Variants in DENND5B observed in about 807,000 individuals in gnomAD.
DENND5B encodes DENN domain containing 5B.
A neutral mutation model predicts 140.6 loss-of-function variants in DENND5B; 34 were observed. That is an observed-to-expected ratio of 0.24 (90% confidence interval 0.18 to 0.32). The LOEUF (loss-of-function observed/expected upper bound fraction) is 0.32, where lower values mean the gene tolerates loss of function less well. Among genes scored for constraint, DENND5B ranks in the 10% least tolerant of loss-of-function variants. DENND5B has a pLI of 1.00. For synonymous variants in DENND5B, 551 were observed against 562.1 expected (o/e 0.98, Z 0.28); for missense variants, 1,142 against 1,560.2 (o/e 0.73, Z 4.52).
At chr12:31,578,162 A>G (rs1215870508) in intron 1 of DENND5B, among the ~76,000 whole-genome samples, 1 of 151,170 alleles carries the variant, frequency 6.6e-6, no homozygotes, top group Non-Finnish European at 1.5e-5. Context: ...CTACAACCCT[A>G]ACATTATTAA....
intron 2 of DENND5B, among the ~76,000 whole-genome samples, chr12:31,483,360 G>GT (rs1295771082): frequency 1.3e-5 from 2 of 152,002 alleles, no homozygotes; most frequent in Non-Finnish European, 2.9e-5. Flanking sequence ...GAGTGCAAAA[G>GT]TAACTGTGGT....
chr12:31,585,195 G>A (rs1950356966), intron 1 of DENND5B, among the ~76,000 whole-genome samples: 2 of 152,134 alleles, frequency 1.3e-5, no homozygotes, highest in South Asian at 2.1e-4. Context: ...TGGGGACAAA[G>A]AGCCAAACTA....
At chr12:31,539,113 T>C (rs371421174) in intron 1 of DENND5B, among the ~76,000 whole-genome samples, 29 of 151,852 alleles carry the variant, frequency 1.9e-4, no homozygotes, top group African/African-American at 6.7e-4. Context: ...ATCAACTATA[T>C]GCCAATAAAT....
In DENND5B at chr12:31,585,510, A is replaced by G. The variant is rs1044888661; in HGVS notation, c.127+5196T>C. Among the ~76,000 whole-genome samples, 5 of 152,228 alleles carry G rather than the reference A, an allele frequency of 3.3e-5. No homozygotes were observed. The East Asian group carries it at 9.6e-4, about 29-fold the overall frequency. ...AGGGCAATCCTGAAATGCTTGTTGA[A>G]TGAGTCAAGCTCATCTTTTTTCTGA... On this transcript the variant is annotated intron_variant, in intron 1 of 20. Coordinates refer to ENST00000389082, the MANE Select transcript of DENND5B (RefSeq NM_144973.4).
intron 5 of DENND5B, 75 bp downstream of exon 5, chr12:31,451,865 T>C: frequency 6.6e-7 from 1 of 1,509,500 alleles, no homozygotes; most frequent in East Asian, 2.4e-5. Flanking sequence ...CACAGAAGAA[T>C]AAAAAATTTA....
At chr12:31,467,498 A>G (rs896670953) in intron 3 of DENND5B, among the ~76,000 whole-genome samples, 30 of 151,866 alleles carry the variant, frequency 2.0e-4, no homozygotes, top group African/African-American at 7.0e-4. Flanking sequence ...AAATTAGCCC[A>G]GCATGGTGGC....
At chr12:31,420,623 T>C (rs969601889) in intron 11 of DENND5B, among the ~76,000 whole-genome samples, 1 of 152,104 alleles carries the variant, frequency 6.6e-6, no homozygotes, top group Non-Finnish European at 1.5e-5. Context: ...TTTATATTTT[T>C]AGTAGAGACG....
intron 3 of DENND5B, among the ~76,000 whole-genome samples, chr12:31,472,948 T>TAA (rs71062435): frequency 5.4e-5 from 8 of 148,286 alleles, no homozygotes; most frequent in South Asian, 2.1e-4. Context: ...GAAGTCTTTT[T>TAA]AAAAAAAAAA....
At chr12:31,406,019 G>C (rs1232048229) in intron 14 of DENND5B, among the ~76,000 whole-genome samples, 1 of 150,694 alleles carries the variant, frequency 6.6e-6, no homozygotes, top group Non-Finnish European at 1.5e-5. Context: ...GCTAATTTTT[G>C]TACTTTTAGT....
intron 1 of DENND5B, among the ~76,000 whole-genome samples, chr12:31,519,771 AT>A (rs937692594): frequency 5.3e-5 from 8 of 152,172 alleles, no homozygotes; most frequent in African/African-American, 9.7e-5. Flanking sequence ...ATGCTTCAGA[AT>A]TTTTTTATAA....
rs1229651937 is a variant in DENND5B at position 31,460,243 on chromosome 12, A to C, written c.1043T>G (p.Leu348Arg). 2.5e-6 allele frequency: 4 copies of C among 1,613,732 alleles called. No homozygotes were observed. Among genetic ancestry groups the C allele is most frequent in the Non-Finnish European group, 3.4e-6 (4 of 1,179,844 alleles). The change falls in exon 4 of 21, where the codon CTT becomes CGT. Residue 348 changes from leucine to arginine, a missense_variant. Leu to Arg is a moderately radical substitution (Grantham distance 102). Around this residue, in one of 5 missense-constraint regions of DENND5B, gnomAD observed 708 missense variants for 905.5 expected, o/e 0.78. Transcript: ENST00000389082. Reference sequence around the variant, plus strand: ...ACGGTCAGTTCCTTCTTTTGACTGAAGGCCCATCAGATAAGGGACAGGAGC... The same window carrying C: ...ACGGTCAGTTCCTTCTTTTGACTGACGGCCCATCAGATAAGGGACAGGAGC... ...LDAPVPYLMGLQSKEGTDRSK... is the reference protein window; with the variant it reads ...LDAPVPYLMGRQSKEGTDRSK...
chr12:31,459,096 C>T (rs1944903232), intron 4 of DENND5B, among the ~76,000 whole-genome samples: 1 of 151,850 alleles, frequency 6.6e-6, no homozygotes, highest in Non-Finnish European at 1.5e-5. Context: ...CCTGTAATCC[C>T]AGCTACTCGG....
At position 31,452,114 on chromosome 12, in the gene DENND5B, T is replaced by A; in HGVS notation, c.1455A>T (p.Lys485Asn). 1 of 1,613,938 alleles carries A rather than the reference T, an allele frequency of 6.2e-7. No homozygotes were observed. ...ASLGEKDKDLKLHCEEAELRD... is the reference protein window; with the variant it reads ...ASLGEKDKDLNLHCEEAELRD... Reference sequence around the variant, plus strand: ...TTAGTTCTGCCTCTTCACAATGCAGTTTTAAATCCTTGTCTTTTTCACCCA... The same window carrying A: ...TTAGTTCTGCCTCTTCACAATGCAGATTTAAATCCTTGTCTTTTTCACCCA... Residue 485 changes from lysine (K) to asparagine (N), a missense_variant, in exon 5 of 21, where the codon AAA becomes AAT. Around this residue, in one of 5 missense-constraint regions of DENND5B, gnomAD observed 708 missense variants for 905.5 expected, o/e 0.78. Coordinates refer to ENST00000389082, the MANE Select transcript of DENND5B (RefSeq NM_144973.4).
Position 31,505,107 on chromosome 12 carries a change from G to A in DENND5B, c.128-9188C>T, listed in dbSNP as rs187726510. On this transcript the variant is annotated intron_variant, in intron 1 of 20. Transcript: ENST00000389082. ...TGTTTACTAGCCTGAGTTTTTATTT[G>A]TGTTCGTTTTGACTTTCTGACTATA... Among the ~76,000 whole-genome samples the A allele has an allele frequency of 1.8e-4, 27 of 152,170 alleles. No homozygotes were observed. The East Asian group carries it at 5.2e-3, about 29-fold the overall frequency.
At chr12:31,395,339 A>G (rs1273249042) in intron 17 of DENND5B, among the ~76,000 whole-genome samples, 1 of 152,190 alleles carries the variant, frequency 6.6e-6, no homozygotes, top group African/African-American at 2.4e-5. Flanking sequence ...CACGCCTGCA[A>G]TCCCAGCACT....
intron 1 of DENND5B, among the ~76,000 whole-genome samples, chr12:31,559,026 C>T (rs1468202326): frequency 6.6e-6 from 1 of 152,104 alleles, no homozygotes; most frequent in Non-Finnish European, 1.5e-5. Flanking sequence ...ATCATATAAT[C>T]AAATACACCT....
chr12:31,546,138 C>A (rs927849384), intron 1 of DENND5B, among the ~76,000 whole-genome samples: 6 of 151,752 alleles, frequency 4.0e-5, no homozygotes, highest in African/African-American at 1.5e-4. Flanking sequence ...TTTAAAAATT[C>A]TTTCTCAAAT....
chr12:31,540,254 G>C (rs1344831224), intron 1 of DENND5B, among the ~76,000 whole-genome samples: 1 of 152,132 alleles, frequency 6.6e-6, no homozygotes, highest in African/African-American at 2.4e-5. Context: ...CATATTCATG[G>C]GTTGGAAAAC....
chr12:31,417,484 T>C (rs78164766), intron 11 of DENND5B, among the ~76,000 whole-genome samples: 1,747 of 151,334 alleles, frequency 0.012, 23 homozygotes, highest in African/African-American at 0.041. Flanking sequence ...AAATAGACAC[T>C]AAGTATAATG....
Sources: gnomAD v4.1 joint callset for allele counts (sites outside exome capture counted in the v4.1 genomes callset) on GRCh38, gnomAD v4.1.1 for gene constraint, gnomAD v4.1.1 regional missense constraint, MANE v1.5 for transcripts, NCBI Gene and HGNC (gene_info 2026-07-23, HGNC 2026-07-21) for gene names.